Variants in ZYG11B observed in about 807,000 individuals in gnomAD.
ZYG11B encodes protein zyg-11 homolog B.
In ZYG11B, 36 loss-of-function variants were observed where a neutral mutation model predicts 82.4. That is an observed-to-expected ratio of 0.44 (90% CI 0.33 to 0.58). ZYG11B has a LOEUF of 0.58. Ranked by LOEUF, ZYG11B falls within the 20% of genes least tolerant of loss-of-function variation. The pLI, the probability that ZYG11B is intolerant of heterozygous loss-of-function variation, is 0.02. For synonymous variants in ZYG11B, 303 were observed against 312.8 expected (o/e 0.97, Z 0.33); for missense variants, 552 against 895.6 (o/e 0.62, Z 4.90).
rs1482157411 is a variant in ZYG11B at position 52,803,076 on chromosome 1, A to G, written c.1695+937A>G. Among the ~76,000 whole-genome samples, 3 of 68,134 alleles carry G rather than the reference A, an allele frequency of 4.4e-5. 1 individual carries two copies. The highest frequency in any genetic ancestry group is 6.0e-5 in the African/African-American group (1 of 16,630). 44.7% of individuals were successfully genotyped at this position (68,134 alleles called of 152,430 possible). On this transcript the variant is annotated intron_variant, in intron 10 of 13. Coordinates refer to ENST00000294353, the MANE Select transcript of ZYG11B (RefSeq NM_024646.3). ...ATTTTTTATTTTTGCCACTATATAT[A>G]TATATATACACATATATATATACAT... is the stretch of plus-strand genomic sequence containing the variant.
rs1442765570 is a variant in ZYG11B at position 52,826,145 on chromosome 1, AG to A, written c.*4517del. On this transcript the variant is annotated 3_prime_UTR_variant, in exon 14 of 14. Coordinates refer to ENST00000294353, the MANE Select transcript of ZYG11B (RefSeq NM_024646.3). ...TAAACTGAAGGCATAAGTTAAAGGAAGTATGTTACTTTGAGCTGATGTAGGC... is the reference window on the plus strand; with the variant it reads ...TAAACTGAAGGCATAAGTTAAAGGAATATGTTACTTTGAGCTGATGTAGGC... 1 of 152,196 alleles carries A rather than the reference AG, an allele frequency of 6.6e-6. No individual in the cohort carries two copies. The highest frequency in any genetic ancestry group is 2.4e-5 in the African/African-American group (1 of 41,458). The allele number at this position is 152,196 out of a possible 1,614,324, so 9.4% of individuals were successfully genotyped here.
At chr1:52,772,632 G>C (rs1369601495) in intron 3 of ZYG11B, 1 of 977,252 alleles carries the variant, frequency 1.0e-6, no homozygotes, top group Non-Finnish European at 1.7e-6. Flanking sequence ...CTTCTCAGGA[G>C]CACGCATACG....
At chr1:52,817,866 C>T (rs1645249532) in intron 13 of ZYG11B, among the ~76,000 whole-genome samples, 2 of 84,360 alleles carry the variant, frequency 2.4e-5, no homozygotes, top group African/African-American at 8.7e-5. Context: ...GAGATGGAGT[C>T]TCACTTTGTC....
At chr1:52,740,007 G>C (rs1414097930) in intron 1 of ZYG11B, among the ~76,000 whole-genome samples, 1 of 152,206 alleles carries the variant, frequency 6.6e-6, no homozygotes, top group African/African-American at 2.4e-5. Context: ...AGGAAACTGA[G>C]AAGTTAATTG....
chr1:52,734,883 C>T (rs150325115), intron 1 of ZYG11B, among the ~76,000 whole-genome samples: 10 of 152,012 alleles, frequency 6.6e-5, no homozygotes, highest in East Asian at 3.9e-4. Flanking sequence ...CATGTGCCAC[C>T]GTGCTCAGCT....
rs757885933 is a variant in ZYG11B at position 52,733,394 on chromosome 1, C to T, written c.30+6711C>T. Among the ~76,000 whole-genome samples the T allele has an allele frequency of 2.7e-4, 41 of 152,254 alleles. No individual in the cohort carries two copies. The Middle Eastern group carries it at 0.01, about 38-fold the overall frequency. On this transcript the variant is annotated intron_variant, in intron 1 of 13. Transcript: ENST00000294353. The stretch of plus-strand genomic sequence containing the variant: ...GTTTTTGTGAGGCTGGGCATGGTGG[C>T]TCACGCCTGTAATCCACATCTATAA...
intron 5 of ZYG11B, among the ~76,000 whole-genome samples, chr1:52,788,157 G>T (rs1644929147): frequency 6.6e-6 from 1 of 152,046 alleles, no homozygotes; most frequent in Admixed American, 6.6e-5. Context: ...TGATATCCAG[G>T]TTAGGGCCAG....
rs376848536 is a variant in ZYG11B, at chr1:52,771,456, C to A, written c.633C>A (p.Leu211=). 101 of 1,613,660 alleles carry A rather than the reference C, an allele frequency of 6.3e-5. 2 individuals carry two copies. The East Asian group carries it at 8.2e-4, about 13-fold the overall frequency. Residue 211 remains leucine, a synonymous_variant, in exon 3 of 14, where the codon CTC becomes CTA. Transcript: ENST00000294353. The surrounding 1 kb of genome is among the most constrained non-coding windows in gnomAD (Gnocchi z 5.4). ...ITALLACKDR[L]KSLTMHHLKC... is the part of the protein sequence containing the mutation. Reference sequence around the variant, plus strand: ...CTCTACTGGCCTGCAAAGACCGACTCAAGTCTCTAACCATGCACCACTTGA... The same window carrying A: ...CTCTACTGGCCTGCAAAGACCGACTAAAGTCTCTAACCATGCACCACTTGA...
chr1:52,728,503 C>T (rs1175478270), intron 1 of ZYG11B, among the ~76,000 whole-genome samples: 16 of 152,192 alleles, frequency 1.1e-4, no homozygotes, highest in Non-Finnish European at 1.5e-5. Flanking sequence ...AGCCATCCTC[C>T]CACCTTGGCC....
At chr1:52,773,578 T>G (rs1256072093) in intron 3 of ZYG11B, among the ~76,000 whole-genome samples, 1 of 138,006 alleles carries the variant, frequency 7.2e-6, no homozygotes. Context: ...ATTTATACCT[T>G]TTATAGATGT....
intron 5 of ZYG11B, among the ~76,000 whole-genome samples, chr1:52,786,292 G>A (rs746459901): frequency 5.9e-5 from 9 of 152,136 alleles, no homozygotes; most frequent in Non-Finnish European, 1.2e-4. Context: ...AATGGTTATA[G>A]AGTTTCCTTC....
In ZYG11B at chr1:52,827,318, A is replaced by G. The variant is rs1401284537; in HGVS notation, c.*5689A>G. On this transcript the variant is annotated 3_prime_UTR_variant, in exon 14 of 14. Transcript: ENST00000294353. ...TTGTTTTGGGATTTTTTTTGCCTAA[A>G]TAAATGTTATAAATTTTATGTAAAG... The G allele has an allele frequency of 1.3e-5, 2 of 152,174 alleles. No individual in the cohort carries two copies. The highest frequency in any genetic ancestry group is 4.8e-5 in the African/African-American group (2 of 41,438). 9.4% of individuals were successfully genotyped at this position (152,174 alleles called of 1,614,324 possible). A position where few individuals can be genotyped will look rare whatever the true frequency, so the allele number is the denominator to read the frequency against.
intron 1 of ZYG11B, among the ~76,000 whole-genome samples, chr1:52,741,731 T>C (rs994445873): frequency 6.6e-6 from 1 of 152,212 alleles, no homozygotes; most frequent in African/African-American, 2.4e-5. Context: ...AGGTAGTATA[T>C]GCCAGTTACT....
chr1:52,776,229 A>AATATATATATAT lies in ZYG11B; in HGVS notation c.952-3619_952-3608dup, dbSNP rs1293809937. Among the ~76,000 whole-genome samples, 62 of 23,506 alleles carry AATATATATATAT rather than the reference A, an allele frequency of 2.6e-3. 9 individuals carry two copies. Among genetic ancestry groups the AATATATATATAT allele is most frequent in the South Asian group, 0.021 (9 of 422 alleles). The allele number at this position is 23,506 out of a possible 152,430, so 15.4% of individuals were successfully genotyped here. A position where few individuals can be genotyped will look rare whatever the true frequency, so the allele number is the denominator to read the frequency against. ...AGCAAAACTCTGTCTTAAAAAAAAA[A>AATATATATATAT]ATATATATATATATATGCAATAAAG... On this transcript the variant is annotated intron_variant, in intron 3 of 13. Transcript: ENST00000294353.
chr1:52,777,978 C>T (rs975064382), intron 3 of ZYG11B, among the ~76,000 whole-genome samples: 1 of 151,970 alleles, frequency 6.6e-6, no homozygotes, highest in Admixed American at 6.6e-5. Flanking sequence ...ATAAAGTGAA[C>T]ACACTTGAGA....
At chr1:52,786,041 A>G (rs1250931543) in intron 5 of ZYG11B, among the ~76,000 whole-genome samples, 2 of 152,350 alleles carry the variant, frequency 1.3e-5, no homozygotes, top group Non-Finnish European at 1.5e-5. Context: ...TTAGAGAAAC[A>G]ACAAAAGAAT....
chr1:52,781,980 C>T (rs1189933110), intron 4 of ZYG11B, among the ~76,000 whole-genome samples: 1 of 151,416 alleles, frequency 6.6e-6, no homozygotes, highest in Non-Finnish European at 1.5e-5. Flanking sequence ...AAGACTAGAT[C>T]TCTAGTCTTG....
At chr1:52,801,269 T>C (rs903005394) in intron 8 of ZYG11B, among the ~76,000 whole-genome samples, 1 of 152,000 alleles carries the variant, frequency 6.6e-6, no homozygotes, top group Non-Finnish European at 1.5e-5. Context: ...ACTAATTCTT[T>C]TATTGTATGT....
At position 52,770,029 on chromosome 1, in the gene ZYG11B, C is replaced by G. The variant is rs568344628; in HGVS notation, c.197-991C>G. Among the ~76,000 whole-genome samples, 5 of 143,730 alleles carry G rather than the reference C, an allele frequency of 3.5e-5. No individual in the cohort carries two copies. In the East Asian group the frequency reaches 1.0e-3, roughly 29 times the overall value. 94.3% of individuals were successfully genotyped at this position (143,730 alleles called of 152,430 possible). A position where few individuals can be genotyped will look rare whatever the true frequency, so the allele number is the denominator to read the frequency against. ...GAGGTTACTGTGTCGACTTCATTTA[C>G]ATTCATCTGCAGGAGGGGGAGTGTG... On this transcript the variant is annotated intron_variant, in intron 2 of 13. Transcript: ENST00000294353.
Sources: gnomAD v4.1 joint callset for allele counts (sites outside exome capture counted in the v4.1 genomes callset) on GRCh38, gnomAD v4.1.1 for gene constraint, Gnocchi (gnomAD v3.1) non-coding constraint, MANE v1.5 for transcripts, NCBI Gene and HGNC (gene_info 2026-07-23, HGNC 2026-07-21) for gene names.